Variants in DNAJB6 observed in about 807,000 individuals in gnomAD.
DNAJB6 encodes the protein DnaJ heat shock protein family (Hsp40) member B6.
In DNAJB6, 16 loss-of-function variants were observed where a neutral mutation model predicts 42.7. That is an observed-to-expected ratio of 0.37 (90% CI 0.25 to 0.57). The LOEUF (loss-of-function observed/expected upper bound fraction) is 0.57. Ranked by LOEUF, DNAJB6 falls within the 20% of genes least tolerant of loss-of-function variation. DNAJB6 has a pLI of 0.74. For missense variants in DNAJB6, 347 were observed against 416.8 expected (o/e 0.83, Z 1.46); for synonymous variants, 170 against 163.5 (o/e 1.04, Z -0.30).
intron 7 of DNAJB6, 61 bp downstream of exon 7, chr7:157,385,069 A>T: frequency 6.5e-7 from 1 of 1,538,652 alleles, no homozygotes; most frequent in East Asian, 2.3e-5. Flanking sequence ...CACTGGTGCC[A>T]TGTTGCACGT....
intron 1 of DNAJB6, among the ~76,000 whole-genome samples, chr7:157,354,945 A>T (rs1297357946): frequency 6.6e-6 from 1 of 152,168 alleles, no homozygotes; most frequent in Admixed American, 6.5e-5. Flanking sequence ...GTCGTGTTCT[A>T]TTTAGGATGT....
intron 1 of DNAJB6, among the ~76,000 whole-genome samples, chr7:157,341,899 C>A (rs948370064): frequency 6.6e-6 from 1 of 152,214 alleles, no homozygotes; most frequent in African/African-American, 2.4e-5. Context: ...TAGAGTCTCA[C>A]ACTGTCACCC....
intron 8 of DNAJB6, among the ~76,000 whole-genome samples, chr7:157,395,375 T>C (rs1239682137): frequency 1.3e-5 from 2 of 152,254 alleles, no homozygotes; most frequent in Non-Finnish European, 2.9e-5. Context: ...TGTCTGTCTT[T>C]TAAAGAGAAT....
intron 5 of DNAJB6, among the ~76,000 whole-genome samples, chr7:157,377,180 AG>A (rs1800517055): frequency 6.6e-6 from 1 of 151,330 alleles, no homozygotes; most frequent in African/African-American, 2.5e-5. Flanking sequence ...CAGGATTGGG[AG>A]GGTCTGGAAG....
Position 157,416,124 on chromosome 7 carries a change from C to T in DNAJB6, c.*26C>T, listed in dbSNP as rs746303138. 7 of 1,607,502 alleles carry T rather than the reference C, an allele frequency of 4.4e-6. No homozygotes were observed. In the Admixed American group the frequency reaches 6.8e-5, roughly 16 times the overall value. ...ACCGGACTTGAGGCACGCGGTGCAC[C>T]CCCAGACGCTGGCGCTCCACCGTGC... is the stretch of plus-strand genomic sequence containing the variant. On this transcript the variant is annotated 3_prime_UTR_variant, in exon 10 of 10. Transcript: ENST00000262177.
rs573168794 is a variant in DNAJB6 at position 157,366,181 on chromosome 7, C to A, written c.176-321C>A. 3.3e-4 allele frequency among the ~76,000 whole-genome samples: 50 copies of A among 152,266 alleles called. No homozygotes were observed. The South Asian group carries it at 0.01, about 32-fold the overall frequency. On this transcript the variant is annotated intron_variant, in intron 3 of 9. Transcript: ENST00000262177. ...GGCCAGGCTGGTCTCAAACTCCTGA[C>A]CTCAGGTGATCTGCCCACCTTGGCC... is the stretch of plus-strand genomic sequence containing the variant.
intron 5 of DNAJB6, chr7:157,379,654 T>C (rs1800650162): frequency 2.6e-5 from 4 of 152,340 alleles, no homozygotes; most frequent in Admixed American, 2.6e-4. Context: ...CTGGCTAATT[T>C]TTAAATTTAT....
intron 1 of DNAJB6, among the ~76,000 whole-genome samples, chr7:157,355,216 C>T (rs571964844): frequency 3.9e-4 from 59 of 152,270 alleles, no homozygotes; most frequent in African/African-American, 1.2e-3. Context: ...TGCAGTGGCG[C>T]GGGCGCGATC....
At chr7:157,348,045 C>T (rs537220288) in intron 1 of DNAJB6, among the ~76,000 whole-genome samples, 4 of 152,002 alleles carry the variant, frequency 2.6e-5, no homozygotes, top group African/African-American at 9.7e-5. Context: ...ATCCACCTAC[C>T]TCAGCCTCCC....
At chr7:157,372,566 C>A (rs1422323550) in intron 5 of DNAJB6, among the ~76,000 whole-genome samples, 1 of 152,216 alleles carries the variant, frequency 6.6e-6, no homozygotes, top group Non-Finnish European at 1.5e-5. Context: ...TGCCTTGATA[C>A]TGTCCTTGGT....
rs751336919 is a variant in DNAJB6 at position 157,385,039 on chromosome 7, AGTAAGCAGGC to A, written c.620+36_620+45del. On this transcript the variant is annotated intron_variant, in intron 7 of 9. Transcript: ENST00000262177. ...GTGGTATTCTGCATTTTATATTTTT[AGTAAGCAGGC>A]GTAACGTTTCACTGGTGCCATGTTG... The A allele has an allele frequency of 3.1e-6, 5 of 1,605,998 alleles. No homozygotes were observed. The South Asian group carries it at 5.5e-5, about 18-fold the overall frequency.
chr7:157,341,514 T>A (rs1486295366), intron 1 of DNAJB6, among the ~76,000 whole-genome samples: 2 of 152,350 alleles, frequency 1.3e-5, no homozygotes, highest in African/African-American at 4.8e-5. Context: ...CCCCCTTTGA[T>A]ATTTTTCTAC....
intron 7 of DNAJB6, 30 bp from the exon 8 acceptor site, chr7:157,385,511 A>G (rs1584927851): frequency 1.2e-6 from 2 of 1,607,124 alleles, no homozygotes; most frequent in Non-Finnish European, 1.7e-6. Context: ...CTTTACCAGA[A>G]AGGTTTTTAA....
intron 8 of DNAJB6, among the ~76,000 whole-genome samples, chr7:157,397,016 T>A (rs1202185148): frequency 6.6e-6 from 1 of 152,188 alleles, no homozygotes; most frequent in Non-Finnish European, 1.5e-5. Flanking sequence ...CCTGGAATTA[T>A]CCTCACCACT....
At chr7:157,395,513 C>A (rs1801542558) in intron 8 of DNAJB6, among the ~76,000 whole-genome samples, 1 of 151,968 alleles carries the variant, frequency 6.6e-6, no homozygotes, top group Non-Finnish European at 1.5e-5. Flanking sequence ...GTGGTGTATG[C>A]CTTCTTATGG....
intron 9 of DNAJB6, chr7:157,415,012 A>G: frequency 6.6e-6 from 1 of 152,412 alleles, no homozygotes; most frequent in Non-Finnish European, 1.5e-5. Context: ...CAGGCCCCCA[A>G]GAGGGCTGTG....
At chr7:157,369,322 G>T (rs1042541642) in intron 5 of DNAJB6, 4 of 456,596 alleles carry the variant, frequency 8.8e-6, no homozygotes, top group Admixed American at 7.0e-5. Flanking sequence ...TTTGCATCTT[G>T]CTGTAGCCTT....
intron 8 of DNAJB6, among the ~76,000 whole-genome samples, chr7:157,405,271 G>A (rs1248749585): frequency 6.6e-6 from 1 of 152,238 alleles, no homozygotes; most frequent in Non-Finnish European, 1.5e-5. Context: ...GGGGCTCTTT[G>A]CCATGGGAGA....
chr7:157,349,892 C>T (rs1337939782), intron 1 of DNAJB6, among the ~76,000 whole-genome samples: 2 of 152,152 alleles, frequency 1.3e-5, no homozygotes, highest in Non-Finnish European at 2.9e-5. Context: ...ATCTGTCCGC[C>T]TCAGCCTCCC....
Sources: gnomAD v4.1 joint callset for allele counts (sites outside exome capture counted in the v4.1 genomes callset) on GRCh38, gnomAD v4.1.1 for gene constraint, MANE v1.5 for transcripts, NCBI Gene and HGNC (gene_info 2026-07-23, HGNC 2026-07-21) for gene names.